Variants in SEPTIN6 observed in about 807,000 individuals in gnomAD.
The protein encoded by SEPTIN6 is septin 6, also known as septin-6.
A neutral mutation model predicts 33.6 loss-of-function variants in SEPTIN6; 8 were observed. The observed-to-expected ratio is 0.24, with a 90% CI of 0.14 to 0.43. The LOEUF is 0.43. Ranked by LOEUF, SEPTIN6 falls within the 20% of genes least tolerant of loss-of-function variation. The pLI is 1.00. For missense variants in SEPTIN6, 250 were observed against 340.8 expected (o/e 0.73, Z 2.10); for synonymous variants, 131 against 140.0 (o/e 0.94, Z 0.45).
At chrX:119,658,600 T>G (rs2054491244) in intron 3 of SEPTIN6, among the ~76,000 whole-genome samples, 1 of 112,448 alleles carries the variant, frequency 8.9e-6, no homozygotes, top group Non-Finnish European at 1.9e-5. Context: ...TTTAAAATTT[T>G]AATAGATACT....
At chrX:119,635,920 A>G (rs952101777) in intron 7 of SEPTIN6, among the ~76,000 whole-genome samples, 1 of 111,623 alleles carries the variant, frequency 9.0e-6, no homozygotes, top group Non-Finnish European at 1.9e-5. Flanking sequence ...AGGAGTGAAG[A>G]AGGCGAAGAC....
At chrX:119,667,255 C>A (rs926011434) in intron 2 of SEPTIN6, among the ~76,000 whole-genome samples, 1 of 109,030 alleles carries the variant, frequency 9.2e-6, no homozygotes, top group Non-Finnish European at 1.9e-5. Context: ...TCTTCCAGTA[C>A]CCCCGAGAGT....
intron 2 of SEPTIN6, among the ~76,000 whole-genome samples, chrX:119,673,594 C>T (rs764643653): frequency 5.4e-5 from 6 of 110,171 alleles, no homozygotes; most frequent in Admixed American, 2.0e-4. Context: ...AGGCTGGGCG[C>T]GGTGGCTCAT....
At chrX:119,636,716 A>C (rs1222856361) in intron 7 of SEPTIN6, among the ~76,000 whole-genome samples, 2 of 111,493 alleles carry the variant, frequency 1.8e-5, no homozygotes, top group African/African-American at 6.5e-5. Flanking sequence ...AGCTGCTTGG[A>C]GCTGTCATGG....
chrX:119,673,841 C>CAAAA (rs774954935), intron 2 of SEPTIN6, among the ~76,000 whole-genome samples: 38 of 37,124 alleles, frequency 1.0e-3, no homozygotes, highest in Non-Finnish European at 1.2e-3. Context: ...GACTCTGTCT[C>CAAAA]AAAAAAAAAA....
rs575479104 is a variant in SEPTIN6, at chrX:119,691,850, G to A, written c.30+1226C>T. Among the ~76,000 whole-genome samples the A allele has an allele frequency of 1.1e-3, 120 of 111,387 alleles. No homozygotes were observed. In the Middle Eastern group the frequency reaches 0.014, roughly 13 times the overall value. ...ATTTTTATGTGGTTCAGAGATTTTC[G>A]TCAAGTAGTATGTGGTGTCATGGGA... On this transcript the variant is annotated intron_variant, in intron 1 of 10. Transcript: ENST00000394610.
chrX:119,617,563 T>C lies in SEPTIN6; in HGVS notation c.*2530A>G. 1.2e-6 allele frequency: 1 copy of C among 803,766 alleles called. No individual in the cohort carries two copies. The highest frequency in any genetic ancestry group is 7.1e-5 in the East Asian group (1 of 14,062). The allele number at this position is 803,766 out of a possible 1,213,427, so 66.2% of individuals were successfully genotyped here. A position where few individuals can be genotyped will look rare whatever the true frequency, so the allele number is the denominator to read the frequency against. ...CCTCACCCAATCCATCTTCAGATGTTTTTCTGTGGAAAAAAACCTCGAGGG... is the reference window on the plus strand; with the variant it reads ...CCTCACCCAATCCATCTTCAGATGTCTTTCTGTGGAAAAAAACCTCGAGGG... On this transcript the variant is annotated 3_prime_UTR_variant, in exon 11 of 11. Transcript: ENST00000394610.
intron 3 of SEPTIN6, among the ~76,000 whole-genome samples, chrX:119,657,582 A>T (rs1405701421): frequency 9.0e-6 from 1 of 111,451 alleles, no homozygotes; most frequent in African/African-American, 3.3e-5. Flanking sequence ...GCATGATCAT[A>T]GCTCACTGTG....
rs756449713 is a variant in SEPTIN6, at chrX:119,663,626, T to C, written c.197A>G (p.Lys66Arg). ...GTGGGTGGCTGGCTCCCCTTCGAAT[T>C]TGGTGTTGAACAGGGTGTCCATGAG... Reference protein sequence around the residue: ...STLMDTLFNTKFEGEPATHTQ... With the variant: ...STLMDTLFNTRFEGEPATHTQ... Residue 66 changes from lysine (K) to arginine (R), a missense_variant, in exon 3 of 11, where the codon AAA becomes AGA. Transcript: ENST00000394610. 8.3e-7 allele frequency: 1 copy of C among 1,211,003 alleles called. No homozygotes were observed. The highest frequency in any genetic ancestry group is 1.1e-6 in the Non-Finnish European group (1 of 895,224).
intron 1 of SEPTIN6, among the ~76,000 whole-genome samples, chrX:119,683,168 G>A (rs981318113): frequency 6.2e-5 from 7 of 112,630 alleles, no homozygotes; most frequent in South Asian, 7.1e-4. Flanking sequence ...CAGGAGAATC[G>A]CTTGAACGCA....
rs1035937907 is a variant in SEPTIN6, at chrX:119,651,681, T to A, written c.528+1173A>T. ...AGTGAAAGTCCGTCTCAAAAATAAA[T>A]AAATAAATAAATATATATGTATCTA... On this transcript the variant is annotated intron_variant, in intron 4 of 10. Coordinates refer to ENST00000394610, the MANE Select transcript of SEPTIN6 (RefSeq NM_145799.4). Among the ~76,000 whole-genome samples the A allele has an allele frequency of 3.9e-3, 431 of 110,989 alleles. 2 individuals carry two copies. Among genetic ancestry groups the A allele is most frequent in the Non-Finnish European group, 5.6e-3 (295 of 52,937 alleles).
downstream of SEPTIN6, chrX:119,616,827 G>A (rs2053672318): frequency 2.8e-6 from 3 of 1,076,725 alleles, no homozygotes; most frequent in Admixed American, 7.7e-5. Flanking sequence ...GAGGGGAATG[G>A]GCAATATTGA....
rs1313003883 is a variant in SEPTIN6, at chrX:119,663,649, G to C, written c.174C>G (p.Leu58=). 1 of 1,207,152 alleles carries C rather than the reference G, an allele frequency of 8.3e-7. No individual in the cohort carries two copies. The highest frequency in any genetic ancestry group is 1.8e-5 in the African/African-American group (1 of 56,939). The change falls in exon 3 of 11, where the codon CTC becomes CTG. Residue 58 remains leucine (L), a synonymous_variant. Coordinates refer to ENST00000394610, the MANE Select transcript of SEPTIN6 (RefSeq NM_145799.4). ...ATTTGGTGTTGAACAGGGTGTCCATGAGGGTGGACTTGCCCAAACCTGTCT... is the reference window on the plus strand; with the variant it reads ...ATTTGGTGTTGAACAGGGTGTCCATCAGGGTGGACTTGCCCAAACCTGTCT... ...VGETGLGKST[L]MDTLFNTKFE...
chrX:119,649,487 T>TAAA (rs550577767), intron 5 of SEPTIN6, among the ~76,000 whole-genome samples: 1 of 81,127 alleles, frequency 1.2e-5, no homozygotes. Context: ...GATCCTGTCT[T>TAAA]AAAAAAAAAA....
chrX:119,655,267 A>G (rs2054421381), intron 3 of SEPTIN6, among the ~76,000 whole-genome samples: 1 of 109,806 alleles, frequency 9.1e-6, no homozygotes, highest in African/African-American at 3.3e-5. Context: ...TGGGTGGCTT[A>G]TCTTCGTCTT....
At chrX:119,656,526 G>A (rs942690648) in intron 3 of SEPTIN6, among the ~76,000 whole-genome samples, 3 of 112,294 alleles carry the variant, frequency 2.7e-5, no homozygotes, top group Non-Finnish European at 5.6e-5. Flanking sequence ...AACCCAGCTT[G>A]AGTAAATTAT....
chrX:119,645,227 A>C (rs1406350125), intron 5 of SEPTIN6, among the ~76,000 whole-genome samples: 1 of 94,014 alleles, frequency 1.1e-5, no homozygotes, highest in African/African-American at 4.0e-5. Context: ...CAATTCCTAA[A>C]GGCCCTACCT....
intron 7 of SEPTIN6, chrX:119,635,024 A>AAAAG: frequency 4.0e-6 from 1 of 251,420 alleles, no homozygotes; most frequent in South Asian, 4.1e-5. Context: ...AAAAAAAAAA[A>AAAAG]AAAGAAAGAA....
intron 1 of SEPTIN6, among the ~76,000 whole-genome samples, chrX:119,689,704 C>A (rs2055126763): frequency 9.1e-6 from 1 of 109,367 alleles, no homozygotes; most frequent in African/African-American, 3.3e-5. Context: ...TCTCGATCTC[C>A]TGACTTTGTG....
Sources: gnomAD v4.1 joint callset for allele counts (sites outside exome capture counted in the v4.1 genomes callset) on GRCh38, gnomAD v4.1.1 for gene constraint, MANE v1.5 for transcripts, NCBI Gene and HGNC (gene_info 2026-07-23, HGNC 2026-07-21) for gene names.